TEX36: variants seen among roughly 807,000 people sequenced by gnomAD.
TEX36 encodes the protein testis expressed 36.
In TEX36, 12 loss-of-function variants were observed where a neutral mutation model predicts 13.6. That is an observed-to-expected ratio of 0.88 (90% CI 0.56 to 1.43). The LOEUF is 1.43. TEX36 is among the 40% of genes most tolerant of loss of function. The pLI, the probability that TEX36 is intolerant of heterozygous loss-of-function variation, is 0.00. For missense variants in TEX36, 224 were observed against 228.3 expected, an observed-to-expected ratio of 0.98 and a Z score of 0.12; for synonymous variants, 93 against 83.0, an observed-to-expected ratio of 1.12 and a Z score of -0.65.
At chr10:125,633,207 C>T (rs375313346) in intron 3 of TEX36, among the ~76,000 whole-genome samples, 237 of 152,142 alleles carry the variant, frequency 1.6e-3, no homozygotes, top group African/African-American at 4.7e-3. Context: ...TCCCTAAAGA[C>T]GGTTAATTAC....
intron 3 of TEX36, among the ~76,000 whole-genome samples, chr10:125,637,484 T>C (rs1476236945): frequency 6.6e-6 from 1 of 152,214 alleles, no homozygotes; most frequent in African/African-American, 2.4e-5. Flanking sequence ...CATTCACCTG[T>C]TGACCGGATG....
downstream of TEX36, among the ~76,000 whole-genome samples, chr10:125,617,078 G>T (rs1305447758): frequency 6.6e-6 from 1 of 152,094 alleles, no homozygotes; most frequent in African/African-American, 2.4e-5. Context: ...TTGGTTTAAA[G>T]TCTGTTTTAT....
chr10:125,644,016 A>G (rs191951057), intron 3 of TEX36, among the ~76,000 whole-genome samples: 1 of 152,252 alleles, frequency 6.6e-6, no homozygotes, highest in African/African-American at 2.4e-5. Flanking sequence ...AGGCAAATAG[A>G]CACAACAATA....
intron 3 of TEX36, chr10:125,578,175 G>A (rs1845848831): frequency 6.6e-6 from 1 of 152,202 alleles, no homozygotes; most frequent in Admixed American, 6.5e-5. Flanking sequence ...GGATGTGGGC[G>A]ATAACAGGGT....
At chr10:125,602,690 T>C (rs941190592) in intron 3 of TEX36, among the ~76,000 whole-genome samples, 1 of 152,206 alleles carries the variant, frequency 6.6e-6, no homozygotes, top group Non-Finnish European at 1.5e-5. Flanking sequence ...AAGAAATGGA[T>C]GAAGTGGAGA....
downstream of TEX36, among the ~76,000 whole-genome samples, chr10:125,655,525 T>A (rs557033903): frequency 1.8e-4 from 28 of 152,356 alleles, no homozygotes; most frequent in African/African-American, 6.7e-4. Flanking sequence ...CACATGTATA[T>A]GATTGTAAAT....
In TEX36 at chr10:125,610,936, G is replaced by T. The variant is rs749540294; in HGVS notation, c.265-34062C>A. ...TTATCCACCCATTGCCTCCTGACTG[G>T]TAGTGTCACTCGAGTCATAGGTGCT... On this transcript the variant is annotated intron_variant, in intron 3 of 3. Transcript: ENST00000532135. Among the ~76,000 whole-genome samples the T allele has an allele frequency of 2.2e-4, 34 of 152,100 alleles. 1 individual carries two copies. Among genetic ancestry groups the T allele is most frequent in the Non-Finnish European group, 1.0e-4 (7 of 68,034 alleles).
chr10:125,586,603 A>G (rs1272659457), intron 3 of TEX36, among the ~76,000 whole-genome samples: 2 of 148,122 alleles, frequency 1.4e-5, no homozygotes, highest in Non-Finnish European at 3.0e-5. Flanking sequence ...CAGCCTGAAC[A>G]ACATTGTGAA....
intron 3 of TEX36, among the ~76,000 whole-genome samples, chr10:125,579,157 G>A (rs926571019): frequency 8.5e-5 from 13 of 152,244 alleles, no homozygotes; most frequent in Admixed American, 4.6e-4. Flanking sequence ...GAAGCTTGCC[G>A]TATTAGTCCG....
At chr10:125,592,678 T>C (rs538530979) in intron 3 of TEX36, among the ~76,000 whole-genome samples, 2 of 152,074 alleles carry the variant, frequency 1.3e-5, no homozygotes, top group African/African-American at 4.8e-5. Flanking sequence ...CCTACAGCAC[T>C]CCCATATGAG....
At chr10:125,673,028 G>A (rs917486064) in intron 1 of TEX36, among the ~76,000 whole-genome samples, 11 of 152,040 alleles carry the variant, frequency 7.2e-5, no homozygotes, top group South Asian at 2.1e-4. Flanking sequence ...GTCTTTGCAC[G>A]TGAGATGGGT....
downstream of TEX36, among the ~76,000 whole-genome samples, chr10:125,620,213 T>A (rs1381469820): frequency 1.3e-5 from 2 of 152,190 alleles, no homozygotes; most frequent in East Asian, 1.9e-4. Flanking sequence ...TCCAGAAATG[T>A]ACAAGCACTG....
At chr10:125,660,325 A>C (rs1006967441) in intron 3 of TEX36, among the ~76,000 whole-genome samples, 1 of 151,972 alleles carries the variant, frequency 6.6e-6, no homozygotes, top group African/African-American at 2.4e-5. Flanking sequence ...GGGTCTTACT[A>C]TGTAGCCCAG....
chr10:125,625,053 G>C (rs1846469876), intron 3 of TEX36, among the ~76,000 whole-genome samples: 2 of 152,138 alleles, frequency 1.3e-5, no homozygotes, highest in African/African-American at 2.4e-5. Flanking sequence ...TCCAGATCTG[G>C]CAAGGGCAAC....
At chr10:125,610,093 C>G (rs1846271428) in intron 3 of TEX36, among the ~76,000 whole-genome samples, 2 of 152,206 alleles carry the variant, frequency 1.3e-5, no homozygotes, top group South Asian at 4.1e-4. Context: ...TGGAAGTTAT[C>G]CTAAATAGTC....
At chr10:125,641,737 A>G (rs1165127385) in intron 3 of TEX36, among the ~76,000 whole-genome samples, 1 of 152,236 alleles carries the variant, frequency 6.6e-6, no homozygotes, top group Non-Finnish European at 1.5e-5. Context: ...ACAGCAAGTC[A>G]CTGACATTGT....
chr10:125,655,420 G>C (rs1223723843), downstream of TEX36, among the ~76,000 whole-genome samples: 2 of 152,152 alleles, frequency 1.3e-5, no homozygotes, highest in Non-Finnish European at 2.9e-5. Context: ...ACTCCAGCCT[G>C]GGTGACAGAG....
At chr10:125,681,430 C>T (rs1191449071) in intron 1 of TEX36, among the ~76,000 whole-genome samples, 1 of 152,196 alleles carries the variant, frequency 6.6e-6, no homozygotes, top group African/African-American at 2.4e-5. Context: ...ATCTGAGCAA[C>T]TTACATTTTT....
chr10:125,645,803 TA>T (rs534824161), intron 3 of TEX36, among the ~76,000 whole-genome samples: 31 of 150,710 alleles, frequency 2.1e-4, no homozygotes, highest in East Asian at 3.9e-4. Context: ...TTATTCCCTC[TA>T]AAAAAAAATA....
Sources: allele counts gnomAD v4.1 joint callset (sites outside exome capture counted in the v4.1 genomes callset), GRCh38; gene constraint gnomAD v4.1.1; transcripts MANE v1.5; gene names NCBI Gene and HGNC (gene_info 2026-07-23, HGNC 2026-07-21).